The following DRG2 variants were observed in gnomAD, a reference collection of about 807,000 sequenced individuals.
DRG2 encodes developmentally-regulated GTP-binding protein 2.
Under a neutral mutation model 53.4 loss-of-function variants are expected in DRG2, and 36 were observed. That is an observed-to-expected ratio of 0.67 (90% CI 0.52 to 0.89). DRG2 has a LOEUF of 0.89. Among genes scored for constraint, DRG2 ranks in the 40% least tolerant of loss-of-function variants. The pLI, the probability that DRG2 is intolerant of heterozygous loss-of-function variation, is 0.00. For missense variants in DRG2, 342 were observed against 481.2 expected (o/e 0.71, Z 2.71); for synonymous variants, 167 against 192.1 (o/e 0.87, Z 1.08).
rs867506325 is a variant in DRG2, at chr17:18,104,444, A to G, written c.896-179A>G. On this transcript the variant is annotated intron_variant, in intron 10 of 12. Coordinates refer to ENST00000225729, the MANE Select transcript of DRG2 (RefSeq NM_001388.5). Reference sequence around the variant, plus strand: ...ATTTTGAGTCACTGTGTTAAGATCAAGGTCGTAGAAGATGGTACAGGGATC... The same window carrying G: ...ATTTTGAGTCACTGTGTTAAGATCAGGGTCGTAGAAGATGGTACAGGGATC... 2.7e-5 allele frequency: 36 copies of G among 1,319,308 alleles called. No homozygotes were observed. In the Middle Eastern group the frequency reaches 1.4e-3, roughly 52 times the overall value. 81.7% of individuals were successfully genotyped at this position (1,319,308 alleles called of 1,614,324 possible).
chr17:18,090,186 C>CT (rs2045289394), intron 1 of DRG2, among the ~76,000 whole-genome samples: 2 of 125,100 alleles, frequency 1.6e-5, no homozygotes, highest in Admixed American at 9.0e-5. Context: ...GACACTGAAT[C>CT]CTTTTTTTTT....
At position 18,103,971 on chromosome 17, in the gene DRG2, AC is replaced by A; in HGVS notation, c.895+86del. 1.5e-6 allele frequency: 2 copies of A among 1,349,668 alleles called. No homozygotes were observed. The highest frequency in any genetic ancestry group is 1.1e-6 in the Non-Finnish European group (1 of 944,152). 83.6% of individuals were successfully genotyped at this position (1,349,668 alleles called of 1,614,324 possible). On this transcript the variant is annotated intron_variant, in intron 10 of 12. Coordinates refer to ENST00000225729, the MANE Select transcript of DRG2 (RefSeq NM_001388.5). The surrounding 1 kb of genome is among the most constrained non-coding windows in gnomAD (Gnocchi z 4.4). ...CCAGGCCGGTGTGTGGTGCCCAGAG[AC>A]CCCAGCACCGGCTCTGGCCTGGCTT... is the stretch of plus-strand genomic sequence containing the variant.
Position 18,098,509 on chromosome 17 carries a change from T to C in DRG2, c.315+150T>C. 1.5e-6 allele frequency: 1 copy of C among 665,930 alleles called. No homozygotes were observed. Among genetic ancestry groups the C allele is most frequent in the Non-Finnish European group, 2.6e-6 (1 of 378,886 alleles). The allele number at this position is 665,930 out of a possible 1,614,324, so 41.3% of individuals were successfully genotyped here. Reference sequence around the variant, plus strand: ...CTGCTTTGCCCTCCAGCACTGACACTTCTGGGGATCCTAGCTGCTGGACCC... The same window carrying C: ...CTGCTTTGCCCTCCAGCACTGACACCTCTGGGGATCCTAGCTGCTGGACCC... On this transcript the variant is annotated intron_variant, in intron 3 of 12. Coordinates refer to ENST00000225729, the MANE Select transcript of DRG2 (RefSeq NM_001388.5). The surrounding 1 kb of genome is among the most constrained non-coding windows in gnomAD (Gnocchi z 4.1).
In DRG2 at chr17:18,101,975, A is replaced by AAACCC; in HGVS notation, c.788_792dup (p.Ser265ProfsTer10). 6.2e-7 allele frequency: 1 copy of AAACCC among 1,611,554 alleles called. No homozygotes were observed. Among genetic ancestry groups the AAACCC allele is most frequent in the East Asian group, 2.2e-5 (1 of 44,834 alleles). ...GGAAGAGGTGGACCGCCTGGCCCGA[A>AAACCC]AACCCAACAGTGTGGTCATCAGGTG... is the stretch of plus-strand genomic sequence containing the variant. On this transcript the variant is annotated frameshift_variant, in exon 9 of 13. Transcript: ENST00000225729. LOFTEE classifies it high-confidence loss of function.
At chr17:18,102,089 G>A (rs1032897583) in intron 9 of DRG2, 92 bp downstream of exon 9, 2 of 1,340,684 alleles carry the variant, frequency 1.5e-6, no homozygotes, top group Non-Finnish European at 1.0e-6. Context: ...CTGTGGAGGA[G>A]GAAAAGCCAG....
chr17:18,093,740 A>G, intron 1 of DRG2, 73 bp from the exon 2 acceptor site: 1 of 1,536,886 alleles, frequency 6.5e-7, no homozygotes, highest in Non-Finnish European at 8.8e-7. Context: ...ACTTGGCGAC[A>G]TGTGGGCCCT....
chr17:18,088,011 C>G lies in DRG2; in HGVS notation c.-13C>G, dbSNP rs775755125. The G allele has an allele frequency of 3.2e-5, 50 of 1,547,796 alleles. No homozygotes were observed. The highest frequency in any genetic ancestry group is 4.1e-5 in the African/African-American group (3 of 72,874). On this transcript the variant is annotated 5_prime_UTR_variant, in exon 1 of 13. Transcript: ENST00000225729. ...CCGCCACCGCTGTCTGTGCGCCCAC[C>G]TCTGCTGCTACCATGGGGATCTTAG...
Position 18,103,699 on chromosome 17 carries a change from A to C in DRG2, c.807-102A>C, listed in dbSNP as rs1597729072. The C allele has an allele frequency of 1.9e-6, 2 of 1,075,828 alleles. No homozygotes were observed. The highest frequency in any genetic ancestry group is 1.4e-6 in the Non-Finnish European group (1 of 702,890). 66.6% of individuals were successfully genotyped at this position (1,075,828 alleles called of 1,614,324 possible). ...GTTTCCCTGTGGGTACCAGCGGGCCACCTGGCCAGTGGAGGTTATCCGCTC... is the reference window on the plus strand; with the variant it reads ...GTTTCCCTGTGGGTACCAGCGGGCCCCCTGGCCAGTGGAGGTTATCCGCTC... On this transcript the variant is annotated intron_variant, in intron 9 of 12. Coordinates refer to ENST00000225729, the MANE Select transcript of DRG2 (RefSeq NM_001388.5). The surrounding 1 kb of genome is among the most constrained non-coding windows in gnomAD (Gnocchi z 4.4).
chr17:18,106,128 G>C, intron 11 of DRG2: 1 of 445,144 alleles, frequency 2.2e-6, no homozygotes, highest in South Asian at 2.4e-5. Context: ...GTTCAGGCAA[G>C]GCAAGCAGAG....
In DRG2 at chr17:18,090,406, A is replaced by ATTTT. The variant is rs1186716416; in HGVS notation, c.64+2343_64+2346dup. ...TATATATATATATATATATATATATATTTTTTTTTTTTTTTTTTTTTTTTT... is the reference window on the plus strand; with the variant it reads ...TATATATATATATATATATATATATATTTTTTTTTTTTTTTTTTTTTTTTTTTTT... On this transcript the variant is annotated intron_variant, in intron 1 of 12. Coordinates refer to ENST00000225729, the MANE Select transcript of DRG2 (RefSeq NM_001388.5). Among the ~76,000 whole-genome samples, 24 of 22,690 alleles carry ATTTT rather than the reference A, an allele frequency of 1.1e-3. 3 individuals are homozygous for ATTTT. The highest frequency in any genetic ancestry group is 1.3e-3 in the Non-Finnish European group (18 of 13,690). 14.9% of individuals were successfully genotyped at this position (22,690 alleles called of 152,430 possible).
In DRG2 at chr17:18,100,649, G is replaced by A; in HGVS notation, c.621G>A (p.Leu207=). 6.2e-7 allele frequency: 1 copy of A among 1,613,870 alleles called. No individual in the cohort carries two copies. The highest frequency in any genetic ancestry group is 8.5e-7 in the Non-Finnish European group (1 of 1,179,934). Residue 207 remains leucine (L), a synonymous_variant, in exon 7 of 13, where the codon CTG becomes CTA. Coordinates refer to ENST00000225729, the MANE Select transcript of DRG2 (RefSeq NM_001388.5). The surrounding 1 kb of genome is among the most constrained non-coding windows in gnomAD (Gnocchi z 4.1). The stretch of plus-strand genomic sequence containing the variant: ...CGGAAAAGCTGGTGCAGCTCATCCT[G>A]CACGAATACAGTATCCTTCCCTGAA... The part of the protein sequence containing the change: ...QCSEKLVQLI[L]HEYKIFNAEV...
intron 2 of DRG2, chr17:18,096,979 C>G (rs536076392): frequency 1.6e-4 from 25 of 152,110 alleles, no homozygotes; most frequent in African/African-American, 5.3e-4. Context: ...GTATATGTAT[C>G]AGAGAGAGAG....
intron 2 of DRG2, chr17:18,097,462 G>A (rs1381771521): frequency 6.6e-6 from 1 of 152,388 alleles, no homozygotes; most frequent in African/African-American, 2.4e-5. Flanking sequence ...GATGGGGCAG[G>A]AGGCATGGGG....
In DRG2 at chr17:18,107,376, C is replaced by CCTCAAGTCTCAAGTCTCTGA; in HGVS notation, c.*136_*137insCTCAAGTCTCAAGTCTCTGA. On this transcript the variant is annotated 3_prime_UTR_variant, in exon 13 of 13. Transcript: ENST00000225729. ...GGGTCCCTCAAGTCTCTGCTATTTA[C>CCTCAAGTCTCAAGTCTCTGA]AGAAGTTTCTTCAGTAGGCAGACGA... The CCTCAAGTCTCAAGTCTCTGA allele has an allele frequency of 3.4e-6, 3 of 872,468 alleles. No individual in the cohort carries two copies. The highest frequency in any genetic ancestry group is 3.6e-6 in the Non-Finnish European group (2 of 560,446). The allele number at this position is 872,468 out of a possible 1,614,324, so 54.0% of individuals were successfully genotyped here.
Position 18,102,783 on chromosome 17 carries a change from G to A in DRG2, c.806+786G>A, listed in dbSNP as rs79721197. Among the ~76,000 whole-genome samples the A allele has an allele frequency of 1.8e-3, 281 of 152,182 alleles. 8 individuals carry two copies. The East Asian group carries it at 0.053, about 29-fold the overall frequency. ...AAGGGAACTAATGTTCTCAGGCCCT[G>A]GCCACTCACTTCCTGCCCTCCTTTG... On this transcript the variant is annotated intron_variant, in intron 9 of 12. Transcript: ENST00000225729.
intron 2 of DRG2, among the ~76,000 whole-genome samples, chr17:18,095,149 T>G (rs1444689203): frequency 2.0e-5 from 3 of 151,326 alleles, no homozygotes; most frequent in African/African-American, 7.3e-5. Context: ...GTAGCTGGGA[T>G]TACAGGCATC....
chr17:18,088,560 C>A (rs1261899979), intron 1 of DRG2, among the ~76,000 whole-genome samples: 1 of 152,218 alleles, frequency 6.6e-6, no homozygotes, highest in Non-Finnish European at 1.5e-5. Context: ...CCAGGTCCAC[C>A]ACGTACCTTC....
chr17:18,103,801 C>T lies in DRG2; in HGVS notation c.807C>T (p.Ser269=), dbSNP rs766432710. 2.5e-6 allele frequency: 4 copies of T among 1,614,012 alleles called. No homozygotes were observed. The African/African-American group carries it at 5.3e-5, about 22-fold the overall frequency. The change falls in exon 10 of 13, where the codon AGC becomes AGT. Residue 269 remains serine, a splice_region_variant and synonymous_variant. Transcript: ENST00000225729. This position sits in a 1 kb window ranked among gnomAD's most constrained non-coding sequence, Gnocchi z 4.4. The part of the protein sequence containing the change: ...LARKPNSVVI[S]CGMKLNLDYL... ...TGACTGGCCGCCTCCCTCTTTGCAG[C>T]TGCGGCATGAAGCTGAACCTGGACT...
At chr17:18,097,105 A>T (rs1172437384) in intron 2 of DRG2, 1 of 152,142 alleles carries the variant, frequency 6.6e-6, no homozygotes, top group Admixed American at 6.5e-5. Context: ...GGGAGGGCCC[A>T]GGTCTTACAG....
Sources: allele counts gnomAD v4.1 joint callset (sites outside exome capture counted in the v4.1 genomes callset), GRCh38; gene constraint gnomAD v4.1.1; non-coding constraint Gnocchi (gnomAD v3.1); transcripts MANE v1.5; gene names NCBI Gene and HGNC (gene_info 2026-07-23, HGNC 2026-07-21).